CDKN2A: variants seen among roughly 807,000 people sequenced by gnomAD.
CDKN2A encodes cyclin-dependent kinase inhibitor 2A.
Under a neutral mutation model 11.1 loss-of-function variants are expected in CDKN2A, and 3 were observed. The ratio of observed to expected loss-of-function variants is 0.27; its 90% CI spans 0.12 to 0.70. The LOEUF is 0.70. Ranked by LOEUF, CDKN2A falls within the 30% of genes least tolerant of loss-of-function variation. The probability of loss-of-function intolerance (pLI) is 0.77; values close to 1 mark genes in which losing one functional copy is unlikely to be tolerated. For missense variants in CDKN2A, 265 were observed against 233.6 expected, an observed-to-expected ratio of 1.13 and a Z score of -0.88; for synonymous variants, 122 against 108.1, an observed-to-expected ratio of 1.13 and a Z score of -0.80.
At chr9:21,994,389 A>AGGT in intron 1 of CDKN2A, 1 of 1,607,788 alleles carries the variant, frequency 6.2e-7, no homozygotes, top group Non-Finnish European at 8.5e-7. Context: ...TTGGCACCAG[A>AGGT]GGTGAGCAGC....
At chr9:21,983,435 C>A (rs917480219) in intron 2 of CDKN2A, among the ~76,000 whole-genome samples, 6 of 152,028 alleles carry the variant, frequency 3.9e-5, no homozygotes, top group Non-Finnish European at 8.8e-5. Flanking sequence ...TCCAAAAACA[C>A]TTCATAAATG....
At position 21,991,904 on chromosome 9, in the gene CDKN2A, G is replaced by T; in HGVS notation, c.-4+1978C>A. On this transcript the variant is annotated intron_variant, in intron 2 of 3. Coordinates refer to the CDKN2A transcript ENST00000494262. This position sits in a 1 kb window ranked among gnomAD's most constrained non-coding sequence, Gnocchi z 5.2. ...AGTGCTTACCTTGAGAGGACTCTGT[G>T]CTATTAAAGAAAAAAATAACCTGAG... 1 of 985,152 alleles carries T rather than the reference G, an allele frequency of 1.0e-6. No individual in the cohort carries two copies. Among genetic ancestry groups the T allele is most frequent in the Non-Finnish European group, 1.2e-6 (1 of 829,728 alleles). The allele number at this position is 985,152 out of a possible 1,614,324, so 61.0% of individuals were successfully genotyped here.
chr9:21,987,427 A>G (rs1330685630), intron 2 of CDKN2A, among the ~76,000 whole-genome samples: 2 of 120,240 alleles, frequency 1.7e-5, no homozygotes, highest in East Asian at 7.2e-4. Flanking sequence ...ACACACACAC[A>G]CACACAGAGA....
chr9:21,969,453 G>C (rs1397235858), intron 2 of CDKN2A: 1 of 322,010 alleles, frequency 3.1e-6, no homozygotes. Flanking sequence ...CCACCACCTA[G>C]AACAGGGCTG....
intron 2 of CDKN2A, chr9:21,993,751 A>G (rs1587357387): frequency 4.5e-6 from 1 of 222,612 alleles, no homozygotes; most frequent in East Asian, 1.2e-4. Context: ...GGTTAGCAAT[A>G]ATTCTCCCCA....
At chr9:21,981,137 T>C (rs866977453) in intron 2 of CDKN2A, among the ~76,000 whole-genome samples, 3 of 29,030 alleles carry the variant, frequency 1.0e-4, no homozygotes, top group African/African-American at 4.3e-4. Context: ...TATATATATA[T>C]ACGTGTATAT....
rs1193286085 is a variant in CDKN2A at position 21,988,714 on chromosome 9, CTTTGT to C, written c.-4+5163_-4+5167del. 6.6e-6 allele frequency among the ~76,000 whole-genome samples: 1 copy of C among 152,012 alleles called. No individual in the cohort carries two copies. Among genetic ancestry groups the C allele is most frequent in the Admixed American group, 6.6e-5 (1 of 15,254 alleles). On this transcript the variant is annotated intron_variant, in intron 2 of 3. Coordinates refer to the CDKN2A transcript ENST00000494262. The surrounding 1 kb of genome is among the most constrained non-coding windows in gnomAD (Gnocchi z 4.1). ...GAAACCTCAGCATGGTGCAATATAC[CTTTGT>C]AATTAACCTGCACATGTGCCCTCTC...
chr9:21,991,412 CT>C lies in CDKN2A; in HGVS notation c.-4+2469del, dbSNP rs1820426534. Reference sequence around the variant, plus strand: ...AGGGAAGGTAAAAGATTGAACACCCCTGGCCTACAGTGTTCTACTATGAAGT... The same window carrying C: ...AGGGAAGGTAAAAGATTGAACACCCCGGCCTACAGTGTTCTACTATGAAGT... On this transcript the variant is annotated intron_variant, in intron 2 of 3. Transcript: ENST00000494262. This position sits in a 1 kb window ranked among gnomAD's most constrained non-coding sequence, Gnocchi z 5.2. Among the ~76,000 whole-genome samples the C allele has an allele frequency of 6.6e-6, 1 of 152,096 alleles. No homozygotes were observed. Among genetic ancestry groups the C allele is most frequent in the African/African-American group, 2.4e-5 (1 of 41,416 alleles).
intron 2 of CDKN2A, among the ~76,000 whole-genome samples, chr9:21,985,515 C>A (rs1346571956): frequency 2.0e-5 from 3 of 151,872 alleles, no homozygotes; most frequent in African/African-American, 7.2e-5. Flanking sequence ...ACTGTTGATT[C>A]AGATATTCAG....
chr9:21,968,112 C>T lies in CDKN2A; in HGVS notation c.*117G>A, dbSNP rs1410505962. Reference sequence around the variant, plus strand: ...AGGACATTTTTAAAAGCTCTATTTTCTAAATGAAAACTACGAAAGCGGGGT... The same window carrying T: ...AGGACATTTTTAAAAGCTCTATTTTTTAAATGAAAACTACGAAAGCGGGGT... On this transcript the variant is annotated 3_prime_UTR_variant, in exon 3 of 3. Coordinates refer to ENST00000304494, the MANE Select transcript of CDKN2A (RefSeq NM_000077.5). The surrounding 1 kb of genome is among the most constrained non-coding windows in gnomAD (Gnocchi z 4.7). 8 of 899,250 alleles carry T rather than the reference C, an allele frequency of 8.9e-6. No homozygotes were observed. Among genetic ancestry groups the T allele is most frequent in the Non-Finnish European group, 1.5e-5 (8 of 529,690 alleles). 55.7% of individuals were successfully genotyped at this position (899,250 alleles called of 1,614,324 possible).
At chr9:21,969,948 A>G (rs1405188008) in intron 2 of CDKN2A, among the ~76,000 whole-genome samples, 3 of 152,240 alleles carry the variant, frequency 2.0e-5, no homozygotes, top group East Asian at 1.9e-4. Flanking sequence ...CAGCTCCCCT[A>G]TGGCCCAAGG....
At chr9:21,974,969 C>G, upstream of CDKN2A, 1 of 1,413,518 alleles carries the variant, frequency 7.1e-7, no homozygotes, top group Non-Finnish European at 9.2e-7. The surrounding 1 kb of genome is among the most constrained non-coding windows in gnomAD (Gnocchi z 5.2). Context: ...CGACCCTGTC[C>G]CTCAAATCCT....
At chr9:21,973,716 C>G (rs1337209089) in intron 1 of CDKN2A, among the ~76,000 whole-genome samples, 3 of 152,118 alleles carry the variant, frequency 2.0e-5, no homozygotes, top group Non-Finnish European at 4.4e-5. Flanking sequence ...AGTAAAAGAG[C>G]AAAAATGTTA....
chr9:21,989,113 A>G (rs1157012916), intron 2 of CDKN2A, among the ~76,000 whole-genome samples: 1 of 152,256 alleles, frequency 6.6e-6, no homozygotes, highest in Non-Finnish European at 1.5e-5. Flanking sequence ...CGCTATTGAC[A>G]TTTGGTAGCT....
At chr9:21,971,372 T>C (rs1261845716) in intron 1 of CDKN2A, 164 bp from the exon 2 acceptor site, 1 of 1,484,246 alleles carries the variant, frequency 6.7e-7, no homozygotes, top group Non-Finnish European at 8.9e-7. Context: ...TTGAGTTCTC[T>C]ATCCATTCTT....
intron 2 of CDKN2A, chr9:21,970,627 C>G (rs1819660790): frequency 3.3e-6 from 2 of 603,106 alleles, no homozygotes; most frequent in Non-Finnish European, 5.9e-6. Flanking sequence ...AGGCCTTGAA[C>G]TAGCAGAGGG....
Position 21,967,883 on chromosome 9 carries a change from A to G in CDKN2A, c.*346T>C. The G allele has an allele frequency of 2.8e-6, 1 of 353,880 alleles. No individual in the cohort carries two copies. Among genetic ancestry groups the G allele is most frequent in the Non-Finnish European group, 5.1e-6 (1 of 194,652 alleles). 21.9% of individuals were successfully genotyped at this position (353,880 alleles called of 1,614,324 possible). A position where few individuals can be genotyped will look rare whatever the true frequency, so the allele number is the denominator to read the frequency against. On this transcript the variant is annotated 3_prime_UTR_variant, in exon 3 of 3. Transcript: ENST00000304494. ...TCACAAAATGCTTGTCATGAAGTCGACAGCTTCCGGAGGCTGCGAGGCTCG... is the reference window on the plus strand; with the variant it reads ...TCACAAAATGCTTGTCATGAAGTCGGCAGCTTCCGGAGGCTGCGAGGCTCG...
chr9:21,985,477 G>T (rs987130775), intron 2 of CDKN2A, among the ~76,000 whole-genome samples: 2 of 151,746 alleles, frequency 1.3e-5, no homozygotes, highest in African/African-American at 4.8e-5. Context: ...TTATACTAAA[G>T]AATTTTTAGA....
intron 1 of CDKN2A, 116 bp from the exon 2 acceptor site, chr9:21,971,324 ATT>A: frequency 6.6e-7 from 1 of 1,523,294 alleles, no homozygotes; most frequent in East Asian, 2.5e-5. Context: ...CAGGTGTCTA[ATT>A]ACCCCTACAT....
Sources: allele counts gnomAD v4.1 joint callset (sites outside exome capture counted in the v4.1 genomes callset), GRCh38; gene constraint gnomAD v4.1.1; non-coding constraint Gnocchi (gnomAD v3.1); transcripts MANE v1.5; gene names NCBI Gene and HGNC (gene_info 2026-07-23, HGNC 2026-07-21).